The following SSBP2 variants were observed in gnomAD, a reference collection of about 807,000 sequenced individuals.
SSBP2 encodes the protein single-stranded DNA-binding protein 2.
SSBP2 carries 17 observed loss-of-function variants against 61.8 expected under a neutral mutation model. That is an observed-to-expected ratio of 0.28 (90% CI 0.19 to 0.41). The LOEUF is 0.41. SSBP2 is among the 10% of genes least tolerant of loss of function. SSBP2 has a pLI of 1.00. For missense variants in SSBP2, 310 were observed against 458.7 expected (o/e 0.68, Z 2.96); for synonymous variants, 139 against 141.3 (o/e 0.98, Z 0.12).
At chr5:81,691,531 A>T (rs537049347) in intron 1 of SSBP2, among the ~76,000 whole-genome samples, 1,929 of 152,078 alleles carry the variant, frequency 0.013, 37 homozygotes, top group African/African-American at 0.044. Context: ...ACCTGAACAG[A>T]CCAATAACAA....
intron 4 of SSBP2, among the ~76,000 whole-genome samples, chr5:81,602,334 A>G (rs1275181544): frequency 1.3e-5 from 2 of 152,176 alleles, no homozygotes; most frequent in African/African-American, 4.8e-5. Context: ...TTAAAACTTT[A>G]TAAGCTTCTA....
At chr5:81,717,528 A>C (rs1481896765) in intron 1 of SSBP2, among the ~76,000 whole-genome samples, 1 of 152,178 alleles carries the variant, frequency 6.6e-6, no homozygotes, top group African/African-American at 2.4e-5. Flanking sequence ...TTCCAGACCC[A>C]TTAACTTACC....
chr5:81,513,584 A>G, intron 5 of SSBP2, 44 bp downstream of exon 5: 1 of 1,144,884 alleles, frequency 8.7e-7, no homozygotes, highest in Non-Finnish European at 1.3e-6. Context: ...ATCAAACAGG[A>G]GTTCCTATGC....
intron 1 of SSBP2, among the ~76,000 whole-genome samples, chr5:81,721,629 C>T (rs540034686): frequency 1.3e-5 from 2 of 151,994 alleles, no homozygotes; most frequent in East Asian, 3.9e-4. Flanking sequence ...AAAACAAAAA[C>T]TAGGCAGCCA....
chr5:81,505,725 T>C (rs934415640), intron 5 of SSBP2, among the ~76,000 whole-genome samples: 2 of 152,206 alleles, frequency 1.3e-5, no homozygotes, highest in Non-Finnish European at 2.9e-5. Context: ...GATTTTAAAC[T>C]ATGATGCTTT....
chr5:81,751,762 C>T (rs1757802241), upstream of SSBP2: 1 of 152,332 alleles, frequency 6.6e-6, no homozygotes, highest in Non-Finnish European at 1.5e-5. Context: ...GCGCGGTTCC[C>T]TCGACCTTCT....
intron 3 of SSBP2, 37 bp from the exon 4 acceptor site, chr5:81,615,594 A>G: frequency 7.5e-7 from 1 of 1,325,434 alleles, no homozygotes; most frequent in Non-Finnish European, 1.1e-6. Flanking sequence ...AGAAAATCAT[A>G]CAACACCAAT....
At chr5:81,432,547 C>T (rs1320733570) in intron 15 of SSBP2, among the ~76,000 whole-genome samples, 1 of 152,134 alleles carries the variant, frequency 6.6e-6, no homozygotes, top group Non-Finnish European at 1.5e-5. Flanking sequence ...GAGTTTGAGA[C>T]TAGCCTGGCC....
intron 5 of SSBP2, among the ~76,000 whole-genome samples, chr5:81,509,666 T>C (rs1768445849): frequency 6.6e-6 from 1 of 152,174 alleles, no homozygotes; most frequent in Non-Finnish European, 1.5e-5. Context: ...ATTTAAATGT[T>C]GAATAGAGGA....
At position 81,413,913 on chromosome 5, in the gene SSBP2, G is replaced by A. The variant is rs569548089; in HGVS notation, c.*6591C>T. 6.6e-6 allele frequency: 1 copy of A among 152,180 alleles called. No homozygotes were observed. Among genetic ancestry groups the A allele is most frequent in the East Asian group, 1.9e-4 (1 of 5,182 alleles). The allele number at this position is 152,180 out of a possible 1,614,324, so 9.4% of individuals were successfully genotyped here. A position where few individuals can be genotyped will look rare whatever the true frequency, so the allele number is the denominator to read the frequency against. On this transcript the variant is annotated 3_prime_UTR_variant, in exon 17 of 17. Coordinates refer to ENST00000320672, the MANE Select transcript of SSBP2 (RefSeq NM_012446.5). The stretch of plus-strand genomic sequence containing the variant: ...AAAGTTAGCTGACAAATATCATATT[G>A]TGTTCTGAGTACTGTGAGGAATCCA...
intron 4 of SSBP2, among the ~76,000 whole-genome samples, chr5:81,597,304 A>C (rs1239353931): frequency 6.6e-5 from 10 of 152,226 alleles, no homozygotes; most frequent in Admixed American, 3.9e-4. Flanking sequence ...TCAAAACCAC[A>C]ATGAGATACC....
At chr5:81,731,825 T>C (rs1756286811) in intron 1 of SSBP2, among the ~76,000 whole-genome samples, 1 of 150,856 alleles carries the variant, frequency 6.6e-6, no homozygotes, top group African/African-American at 2.4e-5. Flanking sequence ...AATATTGTTA[T>C]AATAAATTAT....
chr5:81,703,649 G>A (rs1278677846), intron 1 of SSBP2, among the ~76,000 whole-genome samples: 3 of 152,022 alleles, frequency 2.0e-5, no homozygotes, highest in Admixed American at 6.5e-5. Context: ...CCTCTACTGA[G>A]TTTAAATCTT....
intron 4 of SSBP2, among the ~76,000 whole-genome samples, chr5:81,551,782 T>G (rs539088673): frequency 2.1e-4 from 32 of 152,308 alleles, no homozygotes; most frequent in African/African-American, 7.5e-4. Flanking sequence ...TTATTAAATT[T>G]AGAGACAGTT....
chr5:81,588,609 A>G (rs1775257140), intron 4 of SSBP2, among the ~76,000 whole-genome samples: 1 of 152,054 alleles, frequency 6.6e-6, no homozygotes, highest in Admixed American at 6.6e-5. Flanking sequence ...CTCTATGTAT[A>G]TTTGATAAAA....
intron 15 of SSBP2, among the ~76,000 whole-genome samples, chr5:81,433,507 T>C (rs1379260148): frequency 2.0e-5 from 3 of 151,076 alleles, no homozygotes; most frequent in Non-Finnish European, 4.4e-5. Flanking sequence ...CACTTGTTTA[T>C]CTGCTGACCT....
intron 1 of SSBP2, among the ~76,000 whole-genome samples, chr5:81,674,549 A>G (rs1203989598): frequency 3.9e-5 from 6 of 152,226 alleles, no homozygotes; most frequent in East Asian, 1.9e-4. Context: ...AGTAAGAGGT[A>G]TATCAGTATA....
At chr5:81,639,168 T>G (rs1468664960) in intron 2 of SSBP2, among the ~76,000 whole-genome samples, 2 of 152,206 alleles carry the variant, frequency 1.3e-5, no homozygotes, top group Admixed American at 1.3e-4. Flanking sequence ...AGTTTTTAAA[T>G]AAATTCGTGA....
intron 4 of SSBP2, among the ~76,000 whole-genome samples, chr5:81,523,101 A>T (rs1322418390): frequency 2.0e-5 from 3 of 151,990 alleles, no homozygotes; most frequent in African/African-American, 7.2e-5. Context: ...CTGGCTGGTG[A>T]TTTCTACAAA....
Sources: allele counts gnomAD v4.1 joint callset (sites outside exome capture counted in the v4.1 genomes callset), GRCh38; gene constraint gnomAD v4.1.1; transcripts MANE v1.5; gene names NCBI Gene and HGNC (gene_info 2026-07-23, HGNC 2026-07-21).